Variants in RIC8A observed in about 807,000 individuals in gnomAD.
The protein encoded by RIC8A is chaperone Ric-8A.
A neutral mutation model predicts 48.4 loss-of-function variants in RIC8A; 37 were observed. That is an observed-to-expected ratio of 0.77 (90% CI 0.59 to 1.01). The LOEUF (loss-of-function observed/expected upper bound fraction) is 1.01, where lower values mean the gene tolerates loss of function less well. Ranked by LOEUF, RIC8A falls within the 50% of genes least tolerant of loss-of-function variation. The probability of loss-of-function intolerance (pLI) is 0.00; values close to 1 mark genes in which losing one functional copy is unlikely to be tolerated. For synonymous variants in RIC8A, 288 were observed against 283.4 expected (o/e 1.02, Z -0.16); for missense variants, 681 against 696.8 (o/e 0.98, Z 0.25).
rs367809547 is a variant in RIC8A, at chr11:209,480, G to A, written c.206G>A (p.Ser69Asn). The change falls in exon 3 of 10, where the codon AGT becomes AAT. Residue 69 changes from serine to asparagine, a missense_variant. Transcript: ENST00000526104. ...TCCCACCGTGTCATCTGGCTGCAGA[G>A]TGTCCGAATCCTGTCCCGGGACCGC... ...PPSHRVIWLQ[S>N]VRILSRDRNC... 7 of 1,609,664 alleles carry A rather than the reference G, an allele frequency of 4.3e-6. No homozygotes were observed. The highest frequency in any genetic ancestry group is 2.7e-5 in the African/African-American group (2 of 74,838).
rs777845594 is a variant in RIC8A at position 212,964 on chromosome 11, C to T, written c.1338C>T (p.Tyr446=). Residue 446 remains tyrosine (Y), a synonymous_variant, in exon 8 of 10, where the codon TAC becomes TAT. Transcript: ENST00000526104. Reference sequence around the variant, plus strand: ...ATGAGGACACAGACACAGATGAGTACAAGGAAGCCAAAGCCAGGTGTGTAC... The same window carrying T: ...ATGAGGACACAGACACAGATGAGTATAAGGAAGCCAAAGCCAGGTGTGTAC... ...SEDEDTDTDE[Y]KEAKASINPV... 11 of 1,557,784 alleles carry T rather than the reference C, an allele frequency of 7.1e-6. No homozygotes were observed. The highest frequency in any genetic ancestry group is 7.8e-6 in the Non-Finnish European group (9 of 1,153,450).
intron 5 of RIC8A, chr11:212,044 G>A (rs764118107): frequency 2.2e-5 from 6 of 275,502 alleles, no homozygotes; most frequent in Non-Finnish European, 4.3e-5. Flanking sequence ...TTCGGTTCTC[G>A]TTTCTTTTTG....
rs1424202042 is a variant in RIC8A, at chr11:209,665, G to C, written c.391G>C (p.Ala131Pro). 1.9e-6 allele frequency: 3 copies of C among 1,613,980 alleles called. No individual in the cohort carries two copies. In the Admixed American group the frequency reaches 5.0e-5, roughly 27 times the overall value. Residue 131 changes from alanine (A) to proline (P), a missense_variant, in exon 3 of 10, where the codon GCA becomes CCA. By Grantham distance (27) the Ala-to-Pro change is conservative. Coordinates refer to ENST00000526104, the MANE Select transcript of RIC8A (RefSeq NM_001286134.2). ...LCNLVLSSPV[A>P]QMLAAEARLV... ...CAACCTCGTGCTCAGCAGCCCTGTGGCACAGATGCTGGCAGCAGAGGCCCG... is the reference window on the plus strand; with the variant it reads ...CAACCTCGTGCTCAGCAGCCCTGTGCCACAGATGCTGGCAGCAGAGGCCCG...
chr11:211,007 C>A lies in RIC8A; in HGVS notation c.819-192C>A. On this transcript the variant is annotated intron_variant, in intron 4 of 9. Coordinates refer to ENST00000526104, the MANE Select transcript of RIC8A (RefSeq NM_001286134.2). This position sits in a 1 kb window ranked among gnomAD's most constrained non-coding sequence, Gnocchi z 4.0. The stretch of plus-strand genomic sequence containing the variant: ...GTGTGTCTCAGTGCCCCCACTTCCC[C>A]AGGGGACCCCACTGTACAGCTGAGT... The A allele has an allele frequency of 1.6e-6, 1 of 637,064 alleles. No individual in the cohort carries two copies. The highest frequency in any genetic ancestry group is 2.7e-6 in the Non-Finnish European group (1 of 367,850). The allele number at this position is 637,064 out of a possible 1,614,324, so 39.5% of individuals were successfully genotyped here. A position where few individuals can be genotyped will look rare whatever the true frequency, so the allele number is the denominator to read the frequency against.
chr11:209,386 C>T (rs758711261), intron 2 of RIC8A, 21 bp from the exon 3 acceptor site: 3 of 1,599,840 alleles, frequency 1.9e-6, no homozygotes, highest in East Asian at 2.2e-5. Flanking sequence ...CTGGTGGAGC[C>T]GCTCTTCTCC....
chr11:209,080 G>A, intron 1 of RIC8A, 142 bp downstream of exon 1: 1 of 1,041,412 alleles, frequency 9.6e-7, no homozygotes, highest in Non-Finnish European at 1.5e-6. Flanking sequence ...GCAGGTCTGG[G>A]ATGCAGTGTT....
intron 4 of RIC8A, 180 bp downstream of exon 4, chr11:210,842 G>A: frequency 1.5e-6 from 1 of 647,774 alleles, no homozygotes; most frequent in Non-Finnish European, 2.7e-6. Flanking sequence ...GTGCCAACTG[G>A]GCCTTGGGTA....
rs1855506487 is a variant in RIC8A at position 214,959 on chromosome 11, C to T, written c.*609C>T. On this transcript the variant is annotated 3_prime_UTR_variant, in exon 10 of 10. Coordinates refer to ENST00000526104, the MANE Select transcript of RIC8A (RefSeq NM_001286134.2). ...AGTATCCACAGTGCCCGAGTTCTCG[C>T]TGGTTTTGGCAATTAAACCTCCTTC... 1 of 170,610 alleles carries T rather than the reference C, an allele frequency of 5.9e-6. No homozygotes were observed. The highest frequency in any genetic ancestry group is 1.3e-5 in the Non-Finnish European group (1 of 77,670). 10.6% of individuals were successfully genotyped at this position (170,610 alleles called of 1,614,324 possible).
Position 209,959 on chromosome 11 carries a change from T to C in RIC8A, c.685T>C (p.Phe229Leu). ...ERAMEILKVL[F>L]NITLDSIKGE... The stretch of plus-strand genomic sequence containing the variant: ...GGCCATGGAGATCCTCAAAGTGCTC[T>C]TCAACATCACCCTGGACTCCATCAA... The change falls in exon 3 of 10, where the codon TTC (phenylalanine) becomes CTC (leucine). Residue 229 changes from phenylalanine to leucine, a missense_variant. Phe to Leu is a conservative substitution (Grantham distance 22). Transcript: ENST00000526104. 1 of 1,599,668 alleles carries C rather than the reference T, an allele frequency of 6.3e-7. No individual in the cohort carries two copies. The highest frequency in any genetic ancestry group is 8.5e-7 in the Non-Finnish European group (1 of 1,178,672).
Position 208,865 on chromosome 11 carries a change from G to C in RIC8A, c.11G>C (p.Arg4Pro). Residue 4 changes from arginine to proline, a missense_variant, in exon 1 of 10, where the codon CGG (arginine) becomes CCG (proline). By Grantham distance (103) the Arg-to-Pro change is moderately radical. Coordinates refer to ENST00000526104, the MANE Select transcript of RIC8A (RefSeq NM_001286134.2). This position sits in a 1 kb window ranked among gnomAD's most constrained non-coding sequence, Gnocchi z 4.8. MEPRAVAEAVETGE... is the reference protein window; with the variant it reads MEPPAVAEAVETGE... Reference sequence around the variant, plus strand: ...CTTCCCCGGCGCGCCATGGAGCCCCGGGCGGTTGCAGAAGCCGTGGAGACG... The same window carrying C: ...CTTCCCCGGCGCGCCATGGAGCCCCCGGCGGTTGCAGAAGCCGTGGAGACG... 1 of 1,610,100 alleles carries C rather than the reference G, an allele frequency of 6.2e-7. No homozygotes were observed. The highest frequency in any genetic ancestry group is 2.2e-5 in the East Asian group (1 of 44,748).
At chr11:210,430 G>T in intron 3 of RIC8A, 141 bp from the exon 4 acceptor site, 1 of 840,014 alleles carries the variant, frequency 1.2e-6, no homozygotes, top group Non-Finnish European at 2.1e-6. Flanking sequence ...CACCTAGGAA[G>T]ACCCCAGGGG....
rs749044485 is a variant in RIC8A at position 212,768 on chromosome 11, T to C, written c.1210+9T>C. On this transcript the variant is annotated intron_variant, in intron 7 of 9. Transcript: ENST00000526104. Reference sequence around the variant, plus strand: ...CCTGTGCTCTGAGAGTGGTGAGTTATGGAGACCCAGGTCCCAGCCCACCCC... The same window carrying C: ...CCTGTGCTCTGAGAGTGGTGAGTTACGGAGACCCAGGTCCCAGCCCACCCC... The C allele has an allele frequency of 1.6e-5, 26 of 1,613,758 alleles. No individual in the cohort carries two copies. Among genetic ancestry groups the C allele is most frequent in the South Asian group, 4.4e-5 (4 of 91,066 alleles).
Position 208,802 on chromosome 11 carries a change from A to C in RIC8A, c.-53A>C, listed in dbSNP as rs888723426. 4 of 1,493,702 alleles carry C rather than the reference A, an allele frequency of 2.7e-6. No homozygotes were observed. The highest frequency in any genetic ancestry group is 3.7e-6 in the Non-Finnish European group (4 of 1,094,524). The allele number at this position is 1,493,702 out of a possible 1,614,324, so 92.5% of individuals were successfully genotyped here. A position where few individuals can be genotyped will look rare whatever the true frequency, so the allele number is the denominator to read the frequency against. Reference sequence around the variant, plus strand: ...TTCTGGGCCAGGGCGGGGCCGGCGAACTGCGGCCCGGAACGGCTGAGGAAG... The same window carrying C: ...TTCTGGGCCAGGGCGGGGCCGGCGACCTGCGGCCCGGAACGGCTGAGGAAG... On this transcript the variant is annotated 5_prime_UTR_variant, in exon 1 of 10. Transcript: ENST00000526104. The surrounding 1 kb of genome is among the most constrained non-coding windows in gnomAD (Gnocchi z 4.8).
In RIC8A at chr11:209,469, C is replaced by G. The variant is rs1855288969; in HGVS notation, c.195C>G (p.Ile65Met). The change falls in exon 3 of 10, where the codon ATC (isoleucine) becomes ATG (methionine). Residue 65 changes from isoleucine to methionine, a missense_variant. Physicochemically the swap from Ile to Met is conservative, Grantham distance 10 (BLOSUM62 1). Transcript: ENST00000526104. ...EQGLPPSHRVIWLQSVRILSR... is the reference protein window; with the variant it reads ...EQGLPPSHRVMWLQSVRILSR... The stretch of plus-strand genomic sequence containing the variant: ...GCTTGCCACCCTCCCACCGTGTCAT[C>G]TGGCTGCAGAGTGTCCGAATCCTGT... The G allele has an allele frequency of 6.2e-7, 1 of 1,606,806 alleles. No homozygotes were observed. Among genetic ancestry groups the G allele is most frequent in the Non-Finnish European group, 8.5e-7 (1 of 1,174,010 alleles).
At position 209,312 on chromosome 11, in the gene RIC8A, C is replaced by G; in HGVS notation, c.126C>G (p.Asp42Glu). Residue 42 changes from aspartate (D) to glutamate (E), a missense_variant, in exon 2 of 10, where the codon GAC becomes GAG. Transcript: ENST00000526104. ...SFTFDDAQQE[D>E]RKRLAELLVS... ...CGTTTGATGATGCCCAACAGGAGGA[C>G]CGGAAGGTGGGTGCTGGCCCAAGGG... is the stretch of plus-strand genomic sequence containing the variant. 6.2e-7 allele frequency: 1 copy of G among 1,613,242 alleles called. No homozygotes were observed. The highest frequency in any genetic ancestry group is 8.5e-7 in the Non-Finnish European group (1 of 1,179,428).
At position 208,836 on chromosome 11, in the gene RIC8A, C is replaced by A. The variant is rs1164490045; in HGVS notation, c.-19C>A. The A allele has an allele frequency of 6.2e-7, 1 of 1,601,220 alleles. No individual in the cohort carries two copies. The highest frequency in any genetic ancestry group is 1.7e-5 in the Admixed American group (1 of 58,932). On this transcript the variant is annotated 5_prime_UTR_variant, in exon 1 of 10. Coordinates refer to ENST00000526104, the MANE Select transcript of RIC8A (RefSeq NM_001286134.2). This position sits in a 1 kb window ranked among gnomAD's most constrained non-coding sequence, Gnocchi z 4.8. ...CGGAACGGCTGAGGAAGGGCCCGTCCCGCCTTCCCCGGCGCGCCATGGAGC... is the reference window on the plus strand; with the variant it reads ...CGGAACGGCTGAGGAAGGGCCCGTCACGCCTTCCCCGGCGCGCCATGGAGC...
rs1407641167 is a variant in RIC8A, at chr11:208,886, A to G, written c.32A>G (p.Glu11Gly). The change falls in exon 1 of 10, where the codon GAG becomes GGG. Residue 11 changes from glutamate (E) to glycine (G), a missense_variant. Transcript: ENST00000526104. The surrounding 1 kb of genome is among the most constrained non-coding windows in gnomAD (Gnocchi z 4.8). ...CCCCGGGCGGTTGCAGAAGCCGTGG[A>G]GACGGGTGAGGAGGATGTGATTATG... MEPRAVAEAV[E>G]TGEEDVIMEA... 1.2e-6 allele frequency: 2 copies of G among 1,610,518 alleles called. No individual in the cohort carries two copies. Among genetic ancestry groups the G allele is most frequent in the Non-Finnish European group, 1.7e-6 (2 of 1,179,046 alleles).
intron 3 of RIC8A, chr11:210,320 T>C (rs978904539): frequency 1.0e-5 from 7 of 695,962 alleles, no homozygotes; most frequent in Admixed American, 8.0e-5. Flanking sequence ...CTAAGGTATG[T>C]GTTAGCATTC....
In RIC8A at chr11:211,650, G is replaced by A. The variant is rs12420105; in HGVS notation, c.969+301G>A. 0.064 allele frequency: 15,821 copies of A among 246,710 alleles called. 624 individuals are homozygous for A. Among genetic ancestry groups the A allele is most frequent in the Non-Finnish European group, 0.075 (9,525 of 127,424 alleles). 15.3% of individuals were successfully genotyped at this position (246,710 alleles called of 1,614,324 possible). ...TCCCTACTTTTAAGTCTTAAACACA[G>A]GCAGCCCTTGATTACAAGCATAGTT... On this transcript the variant is annotated intron_variant, in intron 5 of 9. Coordinates refer to ENST00000526104, the MANE Select transcript of RIC8A (RefSeq NM_001286134.2). This position sits in a 1 kb window ranked among gnomAD's most constrained non-coding sequence, Gnocchi z 4.0.
Sources: gnomAD v4.1 joint callset for allele counts on GRCh38, gnomAD v4.1.1 for gene constraint, Gnocchi (gnomAD v3.1) non-coding constraint, MANE v1.5 for transcripts, NCBI Gene and HGNC (gene_info 2026-07-23, HGNC 2026-07-21) for gene names.